CRK: variants seen among roughly 807,000 people sequenced by gnomAD.
The protein encoded by CRK is CRK proto-oncogene, adaptor protein.
In CRK, 4 loss-of-function variants were observed where a neutral mutation model predicts 29.8. That is an observed-to-expected ratio of 0.13 (90% CI 0.07 to 0.31). The LOEUF is 0.31. Among genes scored for constraint, CRK ranks in the 10% least tolerant of loss-of-function variants. CRK has a pLI of 1.00. For missense variants in CRK, 274 were observed against 396.5 expected, an observed-to-expected ratio of 0.69 and a Z score of 2.62; for synonymous variants, 153 against 164.9, an observed-to-expected ratio of 0.93 and a Z score of 0.55.
rs1364773506 is a variant in CRK, at chr17:1,431,597, G to GT, written c.777+5022dup. Among the ~76,000 whole-genome samples, 45 of 151,868 alleles carry GT rather than the reference G, an allele frequency of 3.0e-4. 2 individuals carry two copies. The East Asian group carries it at 6.4e-3, about 22-fold the overall frequency. On this transcript the variant is annotated intron_variant, in intron 2 of 2. Coordinates refer to ENST00000300574, the MANE Select transcript of CRK (RefSeq NM_016823.4). ...AAAAAAAAAGAAACTTGGTGTACTAGTTTTTTTTGAGGCAGAGTCTCACTC... is the reference window on the plus strand; with the variant it reads ...AAAAAAAAAGAAACTTGGTGTACTAGTTTTTTTTTGAGGCAGAGTCTCACTC...
intron 1 of CRK, among the ~76,000 whole-genome samples, chr17:1,449,886 T>C (rs2074004151): frequency 6.6e-6 from 1 of 152,146 alleles, no homozygotes; most frequent in South Asian, 2.1e-4. Context: ...CACTGGCCCA[T>C]TCTGTACCCA....
Position 1,436,679 on chromosome 17 carries a change from C to T in CRK, c.718G>A (p.Ala240Thr). 3.1e-6 allele frequency: 5 copies of T among 1,612,740 alleles called. No individual in the cohort carries two copies. Among genetic ancestry groups the T allele is most frequent in the Non-Finnish European group, 3.4e-6 (4 of 1,179,538 alleles). ...GGGACTCGCTTCTGGATAACCCTGGCATATATGGGCCCATTCTGGAGGTTA... is the reference window on the plus strand; with the variant it reads ...GGGACTCGCTTCTGGATAACCCTGGTATATATGGGCCCATTCTGGAGGTTA... Reference protein sequence around the residue: ...LPNLQNGPIYARVIQKRVPNA... With the variant: ...LPNLQNGPIYTRVIQKRVPNA... The change falls in exon 2 of 3, where the codon GCC (alanine) becomes ACC (threonine). Residue 240 changes from alanine to threonine, a missense_variant. This residue lies in a region of CRK where 121 missense variants were observed against 154.3 expected (regional missense o/e 0.78). Transcript: ENST00000300574.
intron 2 of CRK, 56 bp from the exon 3 acceptor site, chr17:1,423,706 C>G: frequency 6.2e-7 from 1 of 1,600,898 alleles, no homozygotes; most frequent in Non-Finnish European, 8.5e-7. Context: ...GCAAGCTGAA[C>G]AACTCCATTC....
chr17:1,450,007 T>C (rs1280474805), intron 1 of CRK, among the ~76,000 whole-genome samples: 1 of 152,080 alleles, frequency 6.6e-6, no homozygotes, highest in African/African-American at 2.4e-5. Flanking sequence ...GAGACCAGCC[T>C]GGCCAACATG....
intron 1 of CRK, among the ~76,000 whole-genome samples, chr17:1,445,371 A>C (rs2073967866): frequency 6.6e-6 from 1 of 152,182 alleles, no homozygotes; most frequent in Non-Finnish European, 1.5e-5. Flanking sequence ...TGAACAGCCC[A>C]GACTCAGGAA....
chr17:1,426,724 G>A (rs770845051), intron 2 of CRK, among the ~76,000 whole-genome samples: 1 of 152,092 alleles, frequency 6.6e-6, no homozygotes, highest in Non-Finnish European at 1.5e-5. Flanking sequence ...TTAGCCAGGT[G>A]TGGTGGCAGG....
intron 2 of CRK, among the ~76,000 whole-genome samples, chr17:1,431,296 G>A (rs993826335): frequency 2.0e-5 from 3 of 152,136 alleles, no homozygotes; most frequent in Non-Finnish European, 4.4e-5. Context: ...GAAGGCCGGA[G>A]GGGGTGGGGC....
rs371992541 is a variant in CRK at position 1,425,842 on chromosome 17, G to A, written c.778-2192C>T. 2.7e-4 allele frequency among the ~76,000 whole-genome samples: 41 copies of A among 152,270 alleles called. No homozygotes were observed. In the East Asian group the frequency reaches 3.5e-3, roughly 13 times the overall value. On this transcript the variant is annotated intron_variant, in intron 2 of 2. Transcript: ENST00000300574. ...TATGGGTCATAGGATGCTGAGAAAAGGAGGGACAGAAAGAAGGGGATAGAG... is the reference window on the plus strand; with the variant it reads ...TATGGGTCATAGGATGCTGAGAAAAAGAGGGACAGAAAGAAGGGGATAGAG...
At chr17:1,451,715 G>A (rs574570439) in intron 1 of CRK, among the ~76,000 whole-genome samples, 5 of 151,698 alleles carry the variant, frequency 3.3e-5, no homozygotes, top group Non-Finnish European at 7.4e-5. Context: ...CAACATAGTG[G>A]GGGGAAAAAA....
At position 1,449,512 on chromosome 17, in the gene CRK, T is replaced by A. The variant is rs145688495; in HGVS notation, c.241+6365A>T. Among the ~76,000 whole-genome samples the A allele has an allele frequency of 3.3e-3, 506 of 152,206 alleles. 4 individuals are homozygous for A. The highest frequency in any genetic ancestry group is 0.011 in the African/African-American group (475 of 41,512). On this transcript the variant is annotated intron_variant, in intron 1 of 2. Transcript: ENST00000300574. ...TATTACTATTTCCCTCCTTCACAGATGAGGAAACTGAAGCAGGGAAAAGTT... is the reference window on the plus strand; with the variant it reads ...TATTACTATTTCCCTCCTTCACAGAAGAGGAAACTGAAGCAGGGAAAAGTT...
chr17:1,433,820 G>A (rs2073865505), intron 2 of CRK, among the ~76,000 whole-genome samples: 2 of 109,890 alleles, frequency 1.8e-5, no homozygotes, highest in Non-Finnish European at 3.6e-5. Context: ...CACCCAGCAT[G>A]TATGGTTTTT....
chr17:1,437,698 G>T (rs2150906374), intron 1 of CRK, among the ~76,000 whole-genome samples: 1 of 151,514 alleles, frequency 6.6e-6, no homozygotes, highest in East Asian at 1.9e-4. Flanking sequence ...GTGTCGCCCA[G>T]GCTGGAGTGT....
At chr17:1,451,516 G>A (rs2074018177) in intron 1 of CRK, among the ~76,000 whole-genome samples, 1 of 152,030 alleles carries the variant, frequency 6.6e-6, no homozygotes, top group Admixed American at 6.6e-5. Flanking sequence ...ACAGGCATGA[G>A]CCACTGCGCC....
intron 1 of CRK, among the ~76,000 whole-genome samples, chr17:1,451,519 A>C (rs1032712034): frequency 2.0e-5 from 3 of 152,094 alleles, no homozygotes; most frequent in Non-Finnish European, 4.4e-5. Flanking sequence ...GGCATGAGCC[A>C]CTGCGCCCGG....
intron 2 of CRK, among the ~76,000 whole-genome samples, chr17:1,429,137 C>T (rs1236777505): frequency 1.3e-5 from 2 of 152,100 alleles, no homozygotes; most frequent in Non-Finnish European, 2.9e-5. Flanking sequence ...TGTGAGCCAC[C>T]GTGCCCAGCC....
At chr17:1,437,963 G>A (rs535018663) in intron 1 of CRK, among the ~76,000 whole-genome samples, 1 of 151,918 alleles carries the variant, frequency 6.6e-6, no homozygotes, top group Admixed American at 6.6e-5. Flanking sequence ...ACTGCGCCTG[G>A]CCTGCATCTA....
At chr17:1,432,698 G>A (rs1414498115) in intron 2 of CRK, among the ~76,000 whole-genome samples, 2 of 149,446 alleles carry the variant, frequency 1.3e-5, no homozygotes, top group South Asian at 2.1e-4. Flanking sequence ...AATGGCATGA[G>A]CCCAGGAGGC....
chr17:1,447,601 CTTTT>C (rs2073985046), intron 1 of CRK, among the ~76,000 whole-genome samples: 1 of 133,350 alleles, frequency 7.5e-6, no homozygotes, highest in South Asian at 2.4e-4. Flanking sequence ...AGCACTTTCT[CTTTT>C]CCTTTTTTTT....
At chr17:1,429,590 G>A (rs2073817324) in intron 2 of CRK, among the ~76,000 whole-genome samples, 1 of 150,926 alleles carries the variant, frequency 6.6e-6, no homozygotes. Flanking sequence ...AGGAGTTTGA[G>A]GCCTTCCTCA....
Sources: allele counts gnomAD v4.1 joint callset (sites outside exome capture counted in the v4.1 genomes callset), GRCh38; gene constraint gnomAD v4.1.1; regional missense constraint gnomAD v4.1.1; transcripts MANE v1.5; gene names NCBI Gene and HGNC (gene_info 2026-07-23, HGNC 2026-07-21).